Variants in WDR70 observed in about 807,000 individuals in gnomAD.
WDR70 encodes WD repeat-containing protein 70.
Under a neutral mutation model 88.6 loss-of-function variants are expected in WDR70, and 53 were observed. The observed-to-expected ratio is 0.60, with a 90% CI of 0.48 to 0.75. The LOEUF (loss-of-function observed/expected upper bound fraction) is 0.75. WDR70 is among the 30% of genes least tolerant of loss of function. The pLI is 0.00. For missense variants in WDR70, 610 were observed against 823.2 expected, an observed-to-expected ratio of 0.74 and a Z score of 3.17; for synonymous variants, 280 against 270.0, an observed-to-expected ratio of 1.04 and a Z score of -0.36.
At chr5:37,654,035 T>C (rs1745482393) in intron 10 of WDR70, among the ~76,000 whole-genome samples, 1 of 152,164 alleles carries the variant, frequency 6.6e-6, no homozygotes, top group South Asian at 2.1e-4. Flanking sequence ...ATTGTGACGT[T>C]AGGGTGTCGA....
chr5:37,558,283 T>C (rs1355521304), intron 9 of WDR70, among the ~76,000 whole-genome samples: 2 of 152,180 alleles, frequency 1.3e-5, no homozygotes, highest in African/African-American at 4.8e-5. Context: ...GCATGTAGTT[T>C]GTCCTAAATG....
intron 5 of WDR70, among the ~76,000 whole-genome samples, chr5:37,413,208 C>T (rs1749578379): frequency 1.3e-5 from 2 of 151,904 alleles, no homozygotes; most frequent in South Asian, 4.2e-4. Context: ...CACTAGGGGG[C>T]AATAGAAGCT....
chr5:37,569,840 T>C (rs143920489), intron 9 of WDR70, among the ~76,000 whole-genome samples: 208 of 152,208 alleles, frequency 1.4e-3, no homozygotes, highest in Admixed American at 2.2e-3. Context: ...ATTTTAGGCC[T>C]AAAGGATGGA....
chr5:37,610,330 G>C (rs1441136862), intron 10 of WDR70, among the ~76,000 whole-genome samples: 1 of 147,904 alleles, frequency 6.8e-6, no homozygotes, highest in Non-Finnish European at 1.5e-5. Context: ...TTTTTAATTT[G>C]AAAGCATAAA....
chr5:37,487,293 G>A (rs1249466484), intron 8 of WDR70, among the ~76,000 whole-genome samples: 1 of 151,852 alleles, frequency 6.6e-6, no homozygotes, highest in African/African-American at 2.4e-5. Context: ...GTAGTCATTG[G>A]CTTGAGTGAT....
At chr5:37,467,936 G>A (rs1252522413) in intron 7 of WDR70, among the ~76,000 whole-genome samples, 1 of 151,998 alleles carries the variant, frequency 6.6e-6, no homozygotes, top group South Asian at 2.1e-4. Flanking sequence ...AGATGGTCTC[G>A]ATCTCCTGAC....
At chr5:37,499,108 G>A (rs1740317364) in intron 8 of WDR70, among the ~76,000 whole-genome samples, 1 of 151,330 alleles carries the variant, frequency 6.6e-6, no homozygotes, top group African/African-American at 2.4e-5. Flanking sequence ...ATCTTTTCAT[G>A]TTTGTCATTC....
chr5:37,582,283 C>T (rs1743241442), intron 9 of WDR70, among the ~76,000 whole-genome samples: 1 of 152,138 alleles, frequency 6.6e-6, no homozygotes, highest in South Asian at 2.1e-4. Flanking sequence ...GAAAACCAAA[C>T]TATGAAAGCA....
intron 5 of WDR70, among the ~76,000 whole-genome samples, chr5:37,418,096 A>T (rs1485731664): frequency 6.6e-6 from 1 of 152,232 alleles, no homozygotes; most frequent in Non-Finnish European, 1.5e-5. Flanking sequence ...TGAATATCAC[A>T]GGATTTTGAA....
chr5:37,528,515 A>G (rs1339789153), intron 9 of WDR70, among the ~76,000 whole-genome samples: 1 of 152,150 alleles, frequency 6.6e-6, no homozygotes. Flanking sequence ...GCATTAGGAG[A>G]TATACCTAAT....
chr5:37,620,049 T>A (rs1295695087), intron 10 of WDR70: 3 of 151,992 alleles, frequency 2.0e-5, no homozygotes, highest in Non-Finnish European at 2.9e-5. Flanking sequence ...TAATCTTCTC[T>A]GTGTCATTCC....
intron 10 of WDR70, among the ~76,000 whole-genome samples, chr5:37,678,897 A>G (rs1400197801): frequency 7.9e-5 from 12 of 152,174 alleles, no homozygotes; most frequent in Non-Finnish European, 1.6e-4. Flanking sequence ...GTCTTTTCAC[A>G]TAGTCCCATA....
chr5:37,695,861 A>G (rs528079815), intron 10 of WDR70, among the ~76,000 whole-genome samples: 1 of 152,288 alleles, frequency 6.6e-6, no homozygotes, highest in East Asian at 1.9e-4. Context: ...CACAAGGATA[A>G]AAATTCGGCT....
intron 7 of WDR70, among the ~76,000 whole-genome samples, chr5:37,478,370 G>C (rs555348011): frequency 1.3e-4 from 20 of 152,188 alleles, no homozygotes; most frequent in Non-Finnish European, 2.1e-4. Context: ...CCAGTAATGG[G>C]TTTCTCATTG....
chr5:37,487,170 T>C (rs1739898592), intron 8 of WDR70, among the ~76,000 whole-genome samples: 1 of 152,230 alleles, frequency 6.6e-6, no homozygotes, highest in Non-Finnish European at 1.5e-5. Context: ...TTGCCAAATA[T>C]TCTCTCTCTT....
chr5:37,474,281 A>C (rs905532243), intron 7 of WDR70, among the ~76,000 whole-genome samples: 3 of 152,158 alleles, frequency 2.0e-5, no homozygotes, highest in African/African-American at 7.2e-5. Context: ...TGTATACTTG[A>C]CTGCATTTTT....
chr5:37,637,276 G>C (rs10941358), intron 10 of WDR70, among the ~76,000 whole-genome samples: 62,124 of 151,124 alleles, frequency 0.41, 14,775 homozygotes, highest in Non-Finnish European at 0.53. Context: ...GAGAGGCGAA[G>C]TTTGCAGTGA....
At chr5:37,725,087 T>G in intron 16 of WDR70, 37 bp downstream of exon 16, 2 of 1,574,780 alleles carry the variant, frequency 1.3e-6, no homozygotes, top group Non-Finnish European at 1.7e-6. Context: ...CAGAGGGGGT[T>G]CAGAGGCAGG....
intron 9 of WDR70, among the ~76,000 whole-genome samples, chr5:37,591,954 G>A (rs968098755): frequency 6.6e-6 from 1 of 152,120 alleles, no homozygotes; most frequent in Non-Finnish European, 1.5e-5. Flanking sequence ...TGTAAAATAA[G>A]CATTTGAAAA....
Sources: gnomAD v4.1 joint callset for allele counts (sites outside exome capture counted in the v4.1 genomes callset) on GRCh38, gnomAD v4.1.1 for gene constraint, MANE v1.5 for transcripts, NCBI Gene and HGNC (gene_info 2026-07-23, HGNC 2026-07-21) for gene names.